PCGF5: variants seen among roughly 807,000 people sequenced by gnomAD.
PCGF5 encodes polycomb group ring finger 5.
In PCGF5, 9 loss-of-function variants were observed where a neutral mutation model predicts 44.3. That is an observed-to-expected ratio of 0.20 (90% CI 0.12 to 0.35). PCGF5 has a LOEUF of 0.35. Ranked by LOEUF, PCGF5 falls within the 10% of genes least tolerant of loss-of-function variation. PCGF5 has a pLI of 1.00. For missense variants in PCGF5, 146 were observed against 305.3 expected, an observed-to-expected ratio of 0.48 and a Z score of 3.89; for synonymous variants, 95 against 102.5, an observed-to-expected ratio of 0.93 and a Z score of 0.44.
At chr10:91,249,595 A>C (rs562052876) in intron 5 of PCGF5, among the ~76,000 whole-genome samples, 1 of 151,810 alleles carries the variant, frequency 6.6e-6, no homozygotes, top group Non-Finnish European at 1.5e-5. Flanking sequence ...TGGTTTTCCC[A>C]TAAGATCATA....
intron 1 of PCGF5, among the ~76,000 whole-genome samples, chr10:91,187,953 T>A (rs1299818792): frequency 6.6e-6 from 1 of 152,022 alleles, no homozygotes; most frequent in Non-Finnish European, 1.5e-5. Context: ...GATTCTTTTT[T>A]TTTTTATTTT....
At chr10:91,233,373 C>A (rs75840641) in intron 2 of PCGF5, among the ~76,000 whole-genome samples, 1 of 152,060 alleles carries the variant, frequency 6.6e-6, no homozygotes, top group Non-Finnish European at 1.5e-5. Flanking sequence ...CCTGTTCAAG[C>A]AAGGTGTGCT....
intron 6 of PCGF5, among the ~76,000 whole-genome samples, chr10:91,251,740 AACTTAG>A (rs1464375885): frequency 1.2e-4 from 18 of 152,108 alleles, no homozygotes; most frequent in South Asian, 8.3e-4. Context: ...AGTGGTGACC[AACTTAG>A]ACTTAGAGAA....
chr10:91,256,552 A>G (rs1845757326), intron 6 of PCGF5, among the ~76,000 whole-genome samples: 1 of 152,096 alleles, frequency 6.6e-6, no homozygotes, highest in South Asian at 2.1e-4. Flanking sequence ...GCCCCTAAAA[A>G]CCAACCAAAT....
At chr10:91,208,543 T>TG (rs1409298669) in intron 1 of PCGF5, among the ~76,000 whole-genome samples, 2 of 152,204 alleles carry the variant, frequency 1.3e-5, no homozygotes, top group Non-Finnish European at 2.9e-5. Context: ...TAGGCATCTA[T>TG]GGGCTCATTG....
In PCGF5 at chr10:91,283,395, A is replaced by G. The variant is rs1032589710; in HGVS notation, c.*5079A>G. The G allele has an allele frequency of 5.3e-5, 8 of 152,364 alleles. No individual in the cohort carries two copies. The highest frequency in any genetic ancestry group is 1.3e-4 in the Admixed American group (2 of 15,304). 9.4% of individuals were successfully genotyped at this position (152,364 alleles called of 1,614,324 possible). A position where few individuals can be genotyped will look rare whatever the true frequency, so the allele number is the denominator to read the frequency against. On this transcript the variant is annotated 3_prime_UTR_variant, in exon 10 of 10. Coordinates refer to ENST00000336126, the MANE Select transcript of PCGF5 (RefSeq NM_032373.5). ...AGATTTTTAACTTTAATAATTTTAA[A>G]TCTAGAATCAAGTGAAACAGATATG...
Position 91,282,591 on chromosome 10 carries a change from C to T in PCGF5, c.*4275C>T, listed in dbSNP as rs555465843. The T allele has an allele frequency of 6.5e-6, 1 of 152,734 alleles. No individual in the cohort carries two copies. Among genetic ancestry groups the T allele is most frequent in the East Asian group, 1.9e-4 (1 of 5,180 alleles). 9.5% of individuals were successfully genotyped at this position (152,734 alleles called of 1,614,324 possible). On this transcript the variant is annotated 3_prime_UTR_variant, in exon 10 of 10. Coordinates refer to ENST00000336126, the MANE Select transcript of PCGF5 (RefSeq NM_032373.5). ...AAATGGGTCACAGAACAAGCATGTA[C>T]ATCAAGAGGAAGTTCCATATCCCCC...
At chr10:91,262,359 C>T (rs1384690024) in intron 7 of PCGF5, among the ~76,000 whole-genome samples, 5 of 151,876 alleles carry the variant, frequency 3.3e-5, no homozygotes, top group South Asian at 2.1e-4. Flanking sequence ...ACCTGGGAGG[C>T]GGAGGTTGCA....
chr10:91,200,052 A>G (rs1844220999), intron 1 of PCGF5, among the ~76,000 whole-genome samples: 1 of 152,216 alleles, frequency 6.6e-6, no homozygotes, highest in South Asian at 2.1e-4. Flanking sequence ...GGACAGGGAA[A>G]TTGGGTTACT....
chr10:91,187,465 A>G (rs1843948589), intron 1 of PCGF5, among the ~76,000 whole-genome samples: 1 of 152,090 alleles, frequency 6.6e-6, no homozygotes, highest in South Asian at 2.1e-4. Flanking sequence ...CCCAGAGATG[A>G]GGTAGAGGTC....
At chr10:91,213,224 T>C (rs550264305) in intron 1 of PCGF5, among the ~76,000 whole-genome samples, 40 of 152,328 alleles carry the variant, frequency 2.6e-4, no homozygotes, top group African/African-American at 9.6e-4. Flanking sequence ...ATTTGTGTTT[T>C]AGAAAATGTA....
intron 1 of PCGF5, among the ~76,000 whole-genome samples, chr10:91,207,449 A>G (rs1349284795): frequency 6.6e-6 from 1 of 152,198 alleles, no homozygotes; most frequent in Non-Finnish European, 1.5e-5. Flanking sequence ...TGTTACTACA[A>G]TTTTCAATGA....
At chr10:91,247,602 TG>T (rs2133369116) in intron 3 of PCGF5, among the ~76,000 whole-genome samples, 1 of 145,888 alleles carries the variant, frequency 6.9e-6, no homozygotes, top group Non-Finnish European at 1.5e-5. Context: ...GGGGGTGTTG[TG>T]GGGGCAAGAG....
intron 2 of PCGF5, among the ~76,000 whole-genome samples, chr10:91,226,392 T>C (rs1040016846): frequency 4.0e-5 from 6 of 151,358 alleles, no homozygotes; most frequent in Non-Finnish European, 7.4e-5. Flanking sequence ...CAGAATGATA[T>C]GCAGAAGAAA....
Position 91,222,899 on chromosome 10 carries a change from A to G in PCGF5, c.28A>G (p.Lys10Glu), listed in dbSNP as rs775415140. 2 of 1,613,368 alleles carry G rather than the reference A, an allele frequency of 1.2e-6. No individual in the cohort carries two copies. ...GGCTACCCAAAGGAAACACTTGGTG[A>G]AAGATTTTAATCCTTACATTACCTG... MATQRKHLVKDFNPYITCYI... is the reference protein window; with the variant it reads MATQRKHLVEDFNPYITCYI... Residue 10 changes from lysine to glutamate, a missense_variant, in exon 2 of 10, where the codon AAA (lysine) becomes GAA (glutamate). By Grantham distance (56) the Lys-to-Glu change is moderately conservative. Transcript: ENST00000336126.
At chr10:91,171,792 A>G (rs751635861) in intron 1 of PCGF5, among the ~76,000 whole-genome samples, 1 of 152,180 alleles carries the variant, frequency 6.6e-6, no homozygotes, top group Non-Finnish European at 1.5e-5. Context: ...ACAAAAATTC[A>G]AAGTGTGGCT....
chr10:91,233,746 TAAGAGTTTTC>T (rs1845074939), intron 2 of PCGF5, among the ~76,000 whole-genome samples: 1 of 152,170 alleles, frequency 6.6e-6, no homozygotes, highest in East Asian at 1.9e-4. Context: ...TGTTAGCAGA[TAAGAGTTTTC>T]AAGACAAAAA....
At chr10:91,167,441 A>G (rs987760905) in intron 1 of PCGF5, among the ~76,000 whole-genome samples, 2 of 152,244 alleles carry the variant, frequency 1.3e-5, no homozygotes, top group African/African-American at 4.8e-5. Context: ...TCTAGCCAGA[A>G]AAAAGGTAAG....
chr10:91,276,105 GA>G lies in PCGF5; in HGVS notation c.724-2153del, dbSNP rs60879476. ...ATATGTTTAGCATGATTCCAGTTTT[GA>G]AAAAAAAAAACGAATGTAGATAAAA... On this transcript the variant is annotated intron_variant, in intron 9 of 9. Transcript: ENST00000336126. Among the ~76,000 whole-genome samples the G allele has an allele frequency of 9.3e-3, 1,289 of 138,916 alleles. 17 individuals carry two copies. The highest frequency in any genetic ancestry group is 0.029 in the African/African-American group (1,113 of 38,980). The allele number at this position is 138,916 out of a possible 152,430, so 91.1% of individuals were successfully genotyped here. A position where few individuals can be genotyped will look rare whatever the true frequency, so the allele number is the denominator to read the frequency against.
Sources: gnomAD v4.1 joint callset for allele counts (sites outside exome capture counted in the v4.1 genomes callset) on GRCh38, gnomAD v4.1.1 for gene constraint, MANE v1.5 for transcripts, NCBI Gene and HGNC (gene_info 2026-07-23, HGNC 2026-07-21) for gene names.